The following ATP11A variants were observed in gnomAD, a reference collection of about 807,000 sequenced individuals.
ATP11A encodes phospholipid-transporting ATPase IH.
A neutral mutation model predicts 154.4 loss-of-function variants in ATP11A; 81 were observed. That is an observed-to-expected ratio of 0.52 (90% CI 0.44 to 0.63). The LOEUF (loss-of-function observed/expected upper bound fraction) is 0.63. Among genes scored for constraint, ATP11A ranks in the 30% least tolerant of loss-of-function variants. ATP11A has a pLI of 0.00. For synonymous variants in ATP11A, 623 were observed against 585.9 expected (o/e 1.06, Z -0.91); for missense variants, 1,316 against 1,474.3 (o/e 0.89, Z 1.76).
chr13:112,849,653 G>A (rs1324300458), intron 17 of ATP11A, among the ~76,000 whole-genome samples: 1 of 152,180 alleles, frequency 6.6e-6, no homozygotes, highest in Non-Finnish European at 1.5e-5. Context: ...TTGATCAACA[G>A]GTGCACAAAA....
chr13:112,785,383 C>CCAG lies in ATP11A; in HGVS notation c.162+129_162+131dup. 3 of 1,147,816 alleles carry CCAG rather than the reference C, an allele frequency of 2.6e-6. No individual in the cohort carries two copies. The highest frequency in any genetic ancestry group is 2.3e-6 in the Non-Finnish European group (2 of 878,904). 71.1% of individuals were successfully genotyped at this position (1,147,816 alleles called of 1,614,324 possible). On this transcript the variant is annotated intron_variant, in intron 2 of 29. Transcript: ENST00000375645. This position sits in a 1 kb window ranked among gnomAD's most constrained non-coding sequence, Gnocchi z 4.8. The stretch of plus-strand genomic sequence containing the variant: ...CTGCTGTCACAGCCACCAGCCACCC[C>CCAG]CAGCAAGGGCTTCGGATCAGGACCT...
chr13:112,711,006 G>A (rs993394964), intron 1 of ATP11A, among the ~76,000 whole-genome samples: 3 of 140,188 alleles, frequency 2.1e-5, no homozygotes, highest in African/African-American at 5.2e-5. Flanking sequence ...GCAGGGACTC[G>A]GTTCTCAAAG....
rs1272937003 is a variant in ATP11A at position 112,769,218 on chromosome 13, C to A, written c.40-15917C>A. 2.6e-5 allele frequency among the ~76,000 whole-genome samples: 4 copies of A among 152,214 alleles called. No individual in the cohort carries two copies. The East Asian group carries it at 7.7e-4, about 29-fold the overall frequency. ...TCTTGAGTCAGCACCACTACTCACA[C>A]CCCTGAGCGTGTGCCAGGGCTGAGC... On this transcript the variant is annotated intron_variant, in intron 1 of 29. Coordinates refer to ENST00000375645, the MANE Select transcript of ATP11A (RefSeq NM_015205.3).
At chr13:112,710,828 G>A (rs1425100854) in intron 1 of ATP11A, among the ~76,000 whole-genome samples, 1 of 152,220 alleles carries the variant, frequency 6.6e-6, no homozygotes, top group Non-Finnish European at 1.5e-5. Flanking sequence ...GTCTTCACCT[G>A]CCGTCACTAT....
chr13:112,833,130 C>G, intron 14 of ATP11A, 107 bp downstream of exon 14: 2 of 1,393,170 alleles, frequency 1.4e-6, no homozygotes, highest in Non-Finnish European at 2.0e-6. Context: ...CCACCCTGTG[C>G]CCTCCACACT....
intron 1 of ATP11A, among the ~76,000 whole-genome samples, chr13:112,714,139 C>T (rs1193280833): frequency 6.8e-6 from 1 of 147,136 alleles, no homozygotes; most frequent in East Asian, 2.0e-4. Context: ...AACTCCCTTC[C>T]ACTCCTCCCA....
chr13:112,882,021 C>T lies in ATP11A; in HGVS notation c.*155C>T. Reference sequence around the variant, plus strand: ...TCCCATCACCACTGCAGTTCCATCCCAAGTCACAGCTGCCCTAGGTCCCGT... The same window carrying T: ...TCCCATCACCACTGCAGTTCCATCCTAAGTCACAGCTGCCCTAGGTCCCGT... On this transcript the variant is annotated 3_prime_UTR_variant, in exon 30 of 30. Transcript: ENST00000375645. The surrounding 1 kb of genome is among the most constrained non-coding windows in gnomAD (Gnocchi z 5.1). 1 of 1,367,848 alleles carries T rather than the reference C, an allele frequency of 7.3e-7. No homozygotes were observed. Among genetic ancestry groups the T allele is most frequent in the African/African-American group, 1.5e-5 (1 of 67,876 alleles). 84.7% of individuals were successfully genotyped at this position (1,367,848 alleles called of 1,614,324 possible).
chr13:112,793,511 G>A (rs187403651), intron 2 of ATP11A, among the ~76,000 whole-genome samples: 11 of 152,268 alleles, frequency 7.2e-5, no homozygotes, highest in East Asian at 3.9e-4. Context: ...CCAGGGGCAC[G>A]TTTCTTAACA....
chr13:112,850,695 C>T (rs1298792905), intron 17 of ATP11A, among the ~76,000 whole-genome samples: 1 of 152,054 alleles, frequency 6.6e-6, no homozygotes, highest in Non-Finnish European at 1.5e-5. Flanking sequence ...TTTAACTCTG[C>T]ATTTGTCAAA....
chr13:112,752,458 C>T (rs879589113), intron 1 of ATP11A, among the ~76,000 whole-genome samples: 18 of 152,212 alleles, frequency 1.2e-4, no homozygotes, highest in East Asian at 9.7e-4. Context: ...CTGTGTGGAG[C>T]GGGTACCCCT....
chr13:112,816,121 T>TCC lies in ATP11A; in HGVS notation c.482_483dup (p.Cys162ProfsTer4). ...TCATGGTTAAGGAGGACGAGACCTT[T>TCC]CCCTGCGACTTGATCTTCCTTTCCA... On this transcript the variant is annotated frameshift_variant, in exon 6 of 30. Coordinates refer to ENST00000375645, the MANE Select transcript of ATP11A (RefSeq NM_015205.3). LOFTEE classifies it high-confidence loss of function. 6.2e-7 allele frequency: 1 copy of TCC among 1,614,218 alleles called. No individual in the cohort carries two copies. The highest frequency in any genetic ancestry group is 8.5e-7 in the Non-Finnish European group (1 of 1,180,040).
Position 112,690,495 on chromosome 13 carries a change from G to T in ATP11A, c.39+40G>T. The T allele has an allele frequency of 7.7e-7, 1 of 1,297,278 alleles. No individual in the cohort carries two copies. 80.4% of individuals were successfully genotyped at this position (1,297,278 alleles called of 1,614,324 possible). A position where few individuals can be genotyped will look rare whatever the true frequency, so the allele number is the denominator to read the frequency against. On this transcript the variant is annotated intron_variant, in intron 1 of 29. Transcript: ENST00000375645. The surrounding 1 kb of genome is among the most constrained non-coding windows in gnomAD (Gnocchi z 5.6). ...CGCGGGCTGGGGGACCCGGGGACCAGACAGACGCGGGCCGGCCCCGCAGCC... is the reference window on the plus strand; with the variant it reads ...CGCGGGCTGGGGGACCCGGGGACCATACAGACGCGGGCCGGCCCCGCAGCC...
At chr13:112,727,681 C>T (rs1044058397) in intron 1 of ATP11A, among the ~76,000 whole-genome samples, 1 of 152,238 alleles carries the variant, frequency 6.6e-6, no homozygotes, top group Non-Finnish European at 1.5e-5. Context: ...CCCCATTTGG[C>T]AGGCAGAGGT....
At chr13:112,842,749 C>T (rs1315638925) in intron 17 of ATP11A, among the ~76,000 whole-genome samples, 2 of 152,264 alleles carry the variant, frequency 1.3e-5, no homozygotes, top group Admixed American at 1.3e-4. Context: ...TAGTGATTTG[C>T]TTCAAAACAA....
At chr13:112,781,586 C>T (rs961205599) in intron 1 of ATP11A, among the ~76,000 whole-genome samples, 7 of 152,126 alleles carry the variant, frequency 4.6e-5, no homozygotes, top group African/African-American at 1.2e-4. Context: ...AGCCAGTGAG[C>T]AGCAGGGACC....
chr13:112,778,966 T>G (rs1411320015), intron 1 of ATP11A, among the ~76,000 whole-genome samples: 1 of 88,384 alleles, frequency 1.1e-5, no homozygotes, highest in Admixed American at 1.3e-4. Context: ...CTGGAGTGAG[T>G]AGCCGCTGGA....
chr13:112,722,133 A>C (rs1421840726), intron 1 of ATP11A, among the ~76,000 whole-genome samples: 1 of 152,168 alleles, frequency 6.6e-6, no homozygotes, highest in Non-Finnish European at 1.5e-5. Context: ...CCTGTCACAC[A>C]GTCCTCAGGA....
Position 112,859,643 on chromosome 13 carries a change from G to A in ATP11A, c.2727+191G>A, listed in dbSNP as rs148286652. Among the ~76,000 whole-genome samples, 1,044 of 152,308 alleles carry A rather than the reference G, an allele frequency of 6.9e-3. 13 individuals are homozygous for A. The highest frequency in any genetic ancestry group is 0.023 in the African/African-American group (963 of 41,562). ...AGGGGGGCCACGGAGCTGAGGAGTT[G>A]CCGTCCTGGAGGCCCCTTGTTCCAT... On this transcript the variant is annotated intron_variant, in intron 23 of 29. Transcript: ENST00000375645. This position sits in a 1 kb window ranked among gnomAD's most constrained non-coding sequence, Gnocchi z 4.3.
Position 112,831,388 on chromosome 13 carries a change from TCA to T in ATP11A, c.1238_1239del (p.Thr413ArgfsTer44). The T allele has an allele frequency of 1.2e-6, 2 of 1,614,100 alleles. No homozygotes were observed. The highest frequency in any genetic ancestry group is 1.7e-6 in the Non-Finnish European group (2 of 1,179,968). The stretch of plus-strand genomic sequence containing the variant: ...CCCTGCCCGCAGGTGGAGTACATCT[TCA>T]CAGACAAGACCGGCACCCTCACGGA... On this transcript the variant is annotated frameshift_variant, in exon 13 of 30. Coordinates refer to ENST00000375645, the MANE Select transcript of ATP11A (RefSeq NM_015205.3). LOFTEE classifies it high-confidence loss of function.
Sources: allele counts gnomAD v4.1 joint callset (sites outside exome capture counted in the v4.1 genomes callset), GRCh38; gene constraint gnomAD v4.1.1; non-coding constraint Gnocchi (gnomAD v3.1); transcripts MANE v1.5; gene names NCBI Gene and HGNC (gene_info 2026-07-23, HGNC 2026-07-21).